PDZRN4: variants seen among roughly 807,000 people sequenced by gnomAD.
PDZRN4 encodes PDZ domain containing ring finger 4.
A neutral mutation model predicts 99.0 loss-of-function variants in PDZRN4; 70 were observed. The observed-to-expected ratio is 0.71, with a 90% CI of 0.58 to 0.86. PDZRN4 has a LOEUF of 0.86. PDZRN4 is among the 40% of genes least tolerant of loss of function. The pLI is 0.00. For missense variants in PDZRN4, 1,474 were observed against 1,331.2 expected (o/e 1.11, Z -1.67); for synonymous variants, 551 against 501.6 (o/e 1.10, Z -1.32).
At chr12:41,280,919 G>A (rs1324493084) in intron 3 of PDZRN4, among the ~76,000 whole-genome samples, 1 of 152,172 alleles carries the variant, frequency 6.6e-6, no homozygotes, top group Non-Finnish European at 1.5e-5. Context: ...TCCTGACTAG[G>A]AGACACCTCC....
chr12:41,282,890 T>G (rs187091571), intron 3 of PDZRN4, among the ~76,000 whole-genome samples: 3 of 152,286 alleles, frequency 2.0e-5, no homozygotes, highest in Admixed American at 2.0e-4. Context: ...GGAGGGAAAT[T>G]TATAGCACTA....
At chr12:41,517,399 G>C (rs1938420584) in intron 5 of PDZRN4, among the ~76,000 whole-genome samples, 2 of 152,090 alleles carry the variant, frequency 1.3e-5, no homozygotes, top group African/African-American at 4.8e-5. Flanking sequence ...GTGAAAGGTT[G>C]TGTTTAAGGT....
chr12:41,556,734 G>A lies in PDZRN4; in HGVS notation c.1365+974G>A, dbSNP rs541156215. On this transcript the variant is annotated intron_variant, in intron 7 of 9. Coordinates refer to ENST00000402685, the MANE Select transcript of PDZRN4 (RefSeq NM_001164595.2). ...TTATGCAAGAGATAGTAAGCAGACTGTAGGAGGGATGTGAGGCTGGAAAGA... is the reference window on the plus strand; with the variant it reads ...TTATGCAAGAGATAGTAAGCAGACTATAGGAGGGATGTGAGGCTGGAAAGA... 6.6e-5 allele frequency among the ~76,000 whole-genome samples: 10 copies of A among 152,328 alleles called. No individual in the cohort carries two copies. In the East Asian group the frequency reaches 1.5e-3, roughly 24 times the overall value.
intron 3 of PDZRN4, among the ~76,000 whole-genome samples, chr12:41,380,018 T>C (rs998824558): frequency 3.3e-5 from 5 of 152,112 alleles, no homozygotes; most frequent in Admixed American, 6.5e-5. Flanking sequence ...TATATTTACA[T>C]GTTCCAATGC....
At chr12:41,245,982 A>G (rs1951131443) in intron 3 of PDZRN4, among the ~76,000 whole-genome samples, 1 of 152,216 alleles carries the variant, frequency 6.6e-6, no homozygotes, top group Non-Finnish European at 1.5e-5. Flanking sequence ...ATGTGGAGGC[A>G]TATGGAATTA....
chr12:41,512,231 G>A (rs1293652475), intron 5 of PDZRN4, among the ~76,000 whole-genome samples: 4 of 152,038 alleles, frequency 2.6e-5, no homozygotes, highest in African/African-American at 4.8e-5. Flanking sequence ...AGTTATCTAT[G>A]CATGGGATTA....
intron 5 of PDZRN4, among the ~76,000 whole-genome samples, chr12:41,513,523 A>G (rs575003001): frequency 2.6e-5 from 4 of 152,244 alleles, no homozygotes; most frequent in African/African-American, 9.6e-5. Flanking sequence ...TTGAGAAAAA[A>G]TAAACATATA....
intron 3 of PDZRN4, among the ~76,000 whole-genome samples, chr12:41,421,234 G>A (rs1237328894): frequency 1.3e-5 from 2 of 151,892 alleles, no homozygotes; most frequent in Non-Finnish European, 2.9e-5. Context: ...ACAGAATCTT[G>A]CTTTGTCACC....
chr12:41,515,083 C>T (rs746178661), intron 5 of PDZRN4, among the ~76,000 whole-genome samples: 1 of 152,060 alleles, frequency 6.6e-6, no homozygotes, highest in African/African-American at 2.4e-5. Flanking sequence ...GAAATAAGCG[C>T]TTCCCCCACT....
intron 3 of PDZRN4, among the ~76,000 whole-genome samples, chr12:41,279,244 T>C (rs756477772): frequency 6.6e-6 from 1 of 152,242 alleles, no homozygotes; most frequent in Non-Finnish European, 1.5e-5. Flanking sequence ...ACTAGAGAGA[T>C]GTATAAGATT....
At chr12:41,335,969 C>T (rs952680990) in intron 3 of PDZRN4, among the ~76,000 whole-genome samples, 2 of 152,066 alleles carry the variant, frequency 1.3e-5, no homozygotes, top group African/African-American at 4.8e-5. Context: ...CACAGAACAA[C>T]TCCTTTTAGG....
intron 3 of PDZRN4, among the ~76,000 whole-genome samples, chr12:41,358,827 G>T (rs905540890): frequency 6.6e-6 from 1 of 151,948 alleles, no homozygotes; most frequent in Non-Finnish European, 1.5e-5. Flanking sequence ...GTGAGCACAT[G>T]TCAAAGCTAG....
chr12:41,525,733 G>T (rs902466519), intron 5 of PDZRN4, among the ~76,000 whole-genome samples: 1 of 152,048 alleles, frequency 6.6e-6, no homozygotes, highest in Non-Finnish European at 1.5e-5. Context: ...TCCATACCTT[G>T]TGGATGATAG....
intron 3 of PDZRN4, among the ~76,000 whole-genome samples, chr12:41,431,333 G>A (rs997853734): frequency 6.6e-6 from 1 of 152,122 alleles, no homozygotes; most frequent in African/African-American, 2.4e-5. Flanking sequence ...TATTATCCCT[G>A]TTTTAGAGAC....
chr12:41,481,381 A>G (rs1937671882), intron 3 of PDZRN4, among the ~76,000 whole-genome samples: 1 of 152,116 alleles, frequency 6.6e-6, no homozygotes, highest in Non-Finnish European at 1.5e-5. Context: ...ATGAAGCTAC[A>G]TATACTTCTT....
At chr12:41,273,429 A>G (rs1340753275) in intron 3 of PDZRN4, among the ~76,000 whole-genome samples, 1 of 152,090 alleles carries the variant, frequency 6.6e-6, no homozygotes, top group African/African-American at 2.4e-5. Flanking sequence ...AGAAAAATGT[A>G]TTCTGAAAAG....
intron 3 of PDZRN4, among the ~76,000 whole-genome samples, chr12:41,197,815 G>A (rs1183544042): frequency 6.6e-6 from 1 of 152,064 alleles, no homozygotes; most frequent in African/African-American, 2.4e-5. Flanking sequence ...TGCCTAAGTG[G>A]TATGTGGGAG....
intron 7 of PDZRN4, among the ~76,000 whole-genome samples, chr12:41,558,678 G>A (rs918630646): frequency 1.3e-5 from 2 of 152,164 alleles, no homozygotes; most frequent in African/African-American, 4.8e-5. Flanking sequence ...ATTCACTAAG[G>A]AAACAATAGC....
At chr12:41,254,734 A>G (rs1951192795) in intron 3 of PDZRN4, among the ~76,000 whole-genome samples, 1 of 152,240 alleles carries the variant, frequency 6.6e-6, no homozygotes, top group African/African-American at 2.4e-5. Flanking sequence ...CTGTAAGACC[A>G]CATTGCCTAG....
Sources: allele counts gnomAD v4.1 joint callset (sites outside exome capture counted in the v4.1 genomes callset), GRCh38; gene constraint gnomAD v4.1.1; transcripts MANE v1.5; gene names NCBI Gene and HGNC (gene_info 2026-07-23, HGNC 2026-07-21).